Variants in MED12L observed in about 807,000 individuals in gnomAD.
MED12L encodes mediator complex subunit 12L.
A neutral mutation model predicts 281.3 loss-of-function variants in MED12L; 60 were observed. That is an observed-to-expected ratio of 0.21 (90% CI 0.17 to 0.26). MED12L has a LOEUF of 0.26. Ranked by LOEUF, MED12L falls within the 10% of genes least tolerant of loss-of-function variation. MED12L has a pLI of 1.00. For synonymous variants in MED12L, 974 were observed against 987.2 expected, an observed-to-expected ratio of 0.99 and a Z score of 0.25; for missense variants, 2,146 against 2,680.9, an observed-to-expected ratio of 0.80 and a Z score of 4.41.
intron 39 of MED12L, among the ~76,000 whole-genome samples, chr3:151,407,002 T>C (rs780009493): frequency 5.3e-5 from 8 of 152,168 alleles, no homozygotes; most frequent in Non-Finnish European, 1.0e-4. Flanking sequence ...GATTTCACCA[T>C]GTTGCCCAGG....
chr3:151,109,639 C>T (rs1423301184), intron 2 of MED12L, among the ~76,000 whole-genome samples: 1 of 152,164 alleles, frequency 6.6e-6, no homozygotes, highest in African/African-American at 2.4e-5. Context: ...TTCACATTCT[C>T]AGCTGGCATT....
chr3:151,263,997 C>T (rs1029393355), intron 16 of MED12L, among the ~76,000 whole-genome samples: 1 of 152,242 alleles, frequency 6.6e-6, no homozygotes, highest in Non-Finnish European at 1.5e-5. Context: ...TTCCCTCTCC[C>T]CTACCCACTT....
intron 16 of MED12L, among the ~76,000 whole-genome samples, chr3:151,228,913 T>C (rs1731061273): frequency 6.6e-6 from 1 of 152,194 alleles, no homozygotes. Context: ...ATCCATGACC[T>C]CTTTTCGCCT....
At position 151,388,088 on chromosome 3, in the gene MED12L, G is replaced by C. The variant is rs551733379; in HGVS notation, c.5367G>C (p.Leu1789=). The C allele has an allele frequency of 2.5e-6, 4 of 1,613,848 alleles. No homozygotes were observed. The East Asian group carries it at 6.7e-5, about 27-fold the overall frequency. ...SQEPERKSAE[L]SDQGKTTTDE... is the part of the protein sequence containing the mutation. ...AACCAGAAAGGAAGTCCGCTGAGCT[G>C]TCAGATCAGGGAAAAACCACAACAG... The change falls in exon 37 of 45, where the codon CTG becomes CTC. Residue 1789 remains leucine (L), a synonymous_variant. Transcript: ENST00000687756.
rs142468038 is a variant in MED12L at position 151,109,492 on chromosome 3, T to C, written c.100-6846T>C. ...CGAATTGCTTTAAAGCTTGTTATTT[T>C]AGTCGAAACCAATGACAAGAGGTGT... On this transcript the variant is annotated intron_variant, in intron 2 of 44. Coordinates refer to ENST00000687756, the MANE Select transcript of MED12L (RefSeq NM_001393769.1). Among the ~76,000 whole-genome samples the C allele has an allele frequency of 1.2e-3, 177 of 152,348 alleles. 3 individuals carry two copies. The highest frequency in any genetic ancestry group is 9.5e-3 in the East Asian group (49 of 5,180).
intron 2 of MED12L, among the ~76,000 whole-genome samples, chr3:151,093,006 T>G (rs1720259919): frequency 6.6e-6 from 1 of 152,212 alleles, no homozygotes; most frequent in African/African-American, 2.4e-5. Flanking sequence ...TTTCAGGGTC[T>G]GCCAGCCTCT....
intron 11 of MED12L, among the ~76,000 whole-genome samples, chr3:151,175,990 G>C (rs1282707572): frequency 1.3e-5 from 2 of 152,042 alleles, no homozygotes; most frequent in African/African-American, 4.8e-5. Flanking sequence ...ATTTTCTCTT[G>C]TTTGCTGTCA....
In MED12L at chr3:151,221,090, T is replaced by C. The variant is rs546632112; in HGVS notation, c.2250+27424T>C. Among the ~76,000 whole-genome samples the C allele has an allele frequency of 3.3e-5, 5 of 152,342 alleles. No individual in the cohort carries two copies. The South Asian group carries it at 8.3e-4, about 25-fold the overall frequency. ...AATGGAGCAAAAGTGATTCTTGTTA[T>C]GTTTTAGCAAAGAGACTGGAGGCAT... is the stretch of plus-strand genomic sequence containing the variant. On this transcript the variant is annotated intron_variant, in intron 16 of 44. Transcript: ENST00000687756.
At chr3:151,376,268 A>C in intron 28 of MED12L, 54 bp downstream of exon 28, 1 of 1,286,172 alleles carries the variant, frequency 7.8e-7, no homozygotes, top group East Asian at 2.7e-5. Context: ...TCGTAATAAT[A>C]AAAAGAGTTA....
At chr3:151,144,790 G>T (rs751782218) in intron 5 of MED12L, among the ~76,000 whole-genome samples, 12 of 151,924 alleles carry the variant, frequency 7.9e-5, no homozygotes, top group Non-Finnish European at 1.3e-4. Flanking sequence ...CCTGTCCCAG[G>T]AACATCCCAG....
intron 8 of MED12L, among the ~76,000 whole-genome samples, chr3:151,161,554 A>G (rs1719987395): frequency 6.6e-6 from 1 of 152,186 alleles, no homozygotes; most frequent in Non-Finnish European, 1.5e-5. Flanking sequence ...CCCAAAGATG[A>G]TGAGAATAAC....
intron 16 of MED12L, among the ~76,000 whole-genome samples, chr3:151,263,394 G>A (rs533408957): frequency 2.0e-5 from 3 of 152,308 alleles, no homozygotes; most frequent in South Asian, 4.1e-4. Context: ...ATGTACAAAT[G>A]TGGTGTTCAC....
intron 16 of MED12L, among the ~76,000 whole-genome samples, chr3:151,247,761 T>A (rs1298003171): frequency 1.1e-4 from 16 of 144,138 alleles, no homozygotes; most frequent in Non-Finnish European, 1.2e-4. Flanking sequence ...TAATGTATAA[T>A]AAAAAAAAAA....
At chr3:151,407,392 T>C (rs1306688307) in intron 39 of MED12L, among the ~76,000 whole-genome samples, 2 of 152,348 alleles carry the variant, frequency 1.3e-5, no homozygotes, top group East Asian at 1.9e-4. Context: ...CTAACTCATA[T>C]ATAAATAGTT....
At chr3:151,268,877 G>A (rs796190487) in intron 16 of MED12L, among the ~76,000 whole-genome samples, 3 of 152,146 alleles carry the variant, frequency 2.0e-5, no homozygotes, top group Admixed American at 6.5e-5. Context: ...CCCAACCTTC[G>A]GTTGGTTTTA....
chr3:151,100,072 G>A (rs1721208654), intron 2 of MED12L, among the ~76,000 whole-genome samples: 1 of 152,214 alleles, frequency 6.6e-6, no homozygotes, highest in Admixed American at 6.5e-5. Context: ...ATCAGTCTGA[G>A]CGAGGCTGAA....
At chr3:151,394,488 T>C (rs573226299) in intron 38 of MED12L, among the ~76,000 whole-genome samples, 168 bp from the exon 39 acceptor site, 1 of 152,364 alleles carries the variant, frequency 6.6e-6, no homozygotes, top group African/African-American at 2.4e-5. Flanking sequence ...TTTTGTAAGT[T>C]ATGCAACTCA....
chr3:151,100,501 T>G (rs1011912730), intron 2 of MED12L, among the ~76,000 whole-genome samples: 1 of 152,236 alleles, frequency 6.6e-6, no homozygotes, highest in Non-Finnish European at 1.5e-5. Flanking sequence ...GCTCGTTTAC[T>G]TAAAGGTATG....
intron 16 of MED12L, among the ~76,000 whole-genome samples, chr3:151,229,369 G>A (rs910838279): frequency 3.6e-5 from 5 of 139,134 alleles, no homozygotes; most frequent in Non-Finnish European, 7.5e-5. Flanking sequence ...GGGCAGTTTC[G>A]TGATCTCCGC....
Sources: gnomAD v4.1 joint callset for allele counts (sites outside exome capture counted in the v4.1 genomes callset) on GRCh38, gnomAD v4.1.1 for gene constraint, MANE v1.5 for transcripts, NCBI Gene and HGNC (gene_info 2026-07-23, HGNC 2026-07-21) for gene names.